Variants in NXNL2 observed in about 807,000 individuals in gnomAD.
NXNL2 encodes nucleoredoxin-like protein 2.
Under a neutral mutation model 11.1 loss-of-function variants are expected in NXNL2, and 7 were observed. The ratio of observed to expected loss-of-function variants is 0.63; its 90% CI spans 0.36 to 1.18. The LOEUF (loss-of-function observed/expected upper bound fraction) is 1.18. Ranked by LOEUF, NXNL2 falls within the 50% of genes most tolerant of loss-of-function variation. The pLI is 0.02. For synonymous variants in NXNL2, 109 were observed against 101.8 expected, an observed-to-expected ratio of 1.07 and a Z score of -0.42; for missense variants, 233 against 217.7, an observed-to-expected ratio of 1.07 and a Z score of -0.44.
downstream of NXNL2, among the ~76,000 whole-genome samples, chr9:88,546,219 C>G (rs770380612): frequency 6.6e-6 from 1 of 151,260 alleles, no homozygotes; most frequent in Non-Finnish European, 1.5e-5. Flanking sequence ...AGAAACGGCC[C>G]TCCTGGTAAA....
chr9:88,552,471 A>ATTTTTTTTTTTTT (rs1564070714), intron 1 of NXNL2, among the ~76,000 whole-genome samples: 1 of 129,946 alleles, frequency 7.7e-6, no homozygotes, highest in African/African-American at 3.5e-5. Flanking sequence ...TTAAACATGC[A>ATTTTTTTTTTTTT]TGTTTTTTTT....
intron 1 of NXNL2, among the ~76,000 whole-genome samples, chr9:88,581,709 G>T (rs1169977414): frequency 2.6e-5 from 4 of 152,132 alleles, no homozygotes; most frequent in Non-Finnish European, 5.9e-5. Context: ...GCCCACCTCG[G>T]CCTCCCAAAG....
intron 1 of NXNL2, 103 bp downstream of exon 1, chr9:88,535,839 C>A (rs530501561): frequency 1.6e-5 from 14 of 854,834 alleles, no homozygotes; most frequent in Admixed American, 5.9e-5. Flanking sequence ...ACGCCCCCCC[C>A]CAACACCTCC....
chr9:88,584,168 T>C (rs1830437328), exon 2 of NXNL2: 1 of 152,252 alleles, frequency 6.6e-6, no homozygotes, highest in South Asian at 2.1e-4. Flanking sequence ...CCAGTCTGTT[T>C]TTAGTATTTC....
chr9:88,564,325 C>CTATCT (rs79688283), intron 1 of NXNL2, among the ~76,000 whole-genome samples: 1 of 147,042 alleles, frequency 6.8e-6, no homozygotes, highest in Non-Finnish European at 1.5e-5. Context: ...ATCTATCTAT[C>CTATCT]GTCTATTTAT....
chr9:88,546,605 G>A (rs1829849387), downstream of NXNL2, among the ~76,000 whole-genome samples: 1 of 151,640 alleles, frequency 6.6e-6, no homozygotes, highest in African/African-American at 2.4e-5. Flanking sequence ...AGTTGAAATG[G>A]GGTTTCTTCA....
At chr9:88,577,984 G>A (rs974089128), downstream of NXNL2, among the ~76,000 whole-genome samples, 2 of 152,212 alleles carry the variant, frequency 1.3e-5, no homozygotes, top group South Asian at 2.1e-4. Flanking sequence ...CAGTCCTCAT[G>A]GCACTCTGTG....
At chr9:88,573,371 T>C (rs1445138078) in intron 2 of NXNL2, among the ~76,000 whole-genome samples, 1 of 152,200 alleles carries the variant, frequency 6.6e-6, no homozygotes, top group Non-Finnish European at 1.5e-5. Flanking sequence ...TTCGAACTCC[T>C]GGGCTCAAGT....
intron 1 of NXNL2, chr9:88,571,071 C>CTTTTT: frequency 5.6e-6 from 2 of 354,166 alleles, no homozygotes; most frequent in South Asian, 4.0e-5. Flanking sequence ...GCTTTCTTTT[C>CTTTTT]TTTTTTTTTT....
intron 2 of NXNL2, among the ~76,000 whole-genome samples, chr9:88,574,626 G>C (rs1830322072): frequency 6.6e-6 from 1 of 152,220 alleles, no homozygotes; most frequent in African/African-American, 2.4e-5. Flanking sequence ...AGCTCTGTCT[G>C]TCCTTTGTCC....
At chr9:88,546,895 T>C (rs1347493592), downstream of NXNL2, among the ~76,000 whole-genome samples, 1 of 152,198 alleles carries the variant, frequency 6.6e-6, no homozygotes, top group Non-Finnish European at 1.5e-5. Context: ...GATTCCATCA[T>C]CCTGAGGGAA....
rs181483049 is a variant in NXNL2 at position 88,572,472 on chromosome 9, C to T, written c.*16+1264C>T. On this transcript the variant is annotated intron_variant, in intron 2 of 2. Transcript: ENST00000375855. ...GCTCCTCCTGCAGCTGGGTGTTAAA[C>T]ATGCACAGTACACCCTGCAGGTAGT... 6.5e-3 allele frequency among the ~76,000 whole-genome samples: 991 copies of T among 152,318 alleles called. 6 individuals are homozygous for T. Among genetic ancestry groups the T allele is most frequent in the Middle Eastern group, 0.02 (6 of 294 alleles).
rs760103962 is a variant in NXNL2 at position 88,570,507 on chromosome 9, ATGCAAAC to A, written c.303-578_303-572del. Among the ~76,000 whole-genome samples the A allele has an allele frequency of 2.6e-5, 4 of 152,184 alleles. No homozygotes were observed. The South Asian group carries it at 8.3e-4, about 31-fold the overall frequency. On this transcript the variant is annotated intron_variant, in intron 1 of 2. Transcript: ENST00000375855. ...TACTAGGTTTGAATCCTTTATTTAA[ATGCAAAC>A]TCCTGGGCAAGTTTGTTTACCTCAT...
At chr9:88,576,789 C>T (rs1003519761), downstream of NXNL2, among the ~76,000 whole-genome samples, 49 of 152,178 alleles carry the variant, frequency 3.2e-4, no homozygotes, top group African/African-American at 1.1e-3. Context: ...GTCGGCCCTG[C>T]TTTCCTCTGG....
chr9:88,570,102 A>T (rs1830238535), intron 1 of NXNL2, among the ~76,000 whole-genome samples: 1 of 150,638 alleles, frequency 6.6e-6, no homozygotes, highest in African/African-American at 2.4e-5. Context: ...ATTTTTTTTT[A>T]ATTAATTAAT....
chr9:88,553,044 C>G (rs1345824980), intron 1 of NXNL2, among the ~76,000 whole-genome samples: 4 of 152,182 alleles, frequency 2.6e-5, no homozygotes, highest in Non-Finnish European at 4.4e-5. Context: ...AAAAACCCAT[C>G]TATAATCTAA....
intron 1 of NXNL2, among the ~76,000 whole-genome samples, chr9:88,554,735 G>A (rs931459663): frequency 1.3e-5 from 2 of 152,128 alleles, no homozygotes; most frequent in African/African-American, 2.4e-5. Flanking sequence ...TTTTTGGCAG[G>A]TTACCGTCTC....
chr9:88,560,810 G>A (rs1329557023), intron 1 of NXNL2, among the ~76,000 whole-genome samples: 1 of 152,114 alleles, frequency 6.6e-6, no homozygotes, highest in Non-Finnish European at 1.5e-5. Context: ...GTCACTATAG[G>A]TTCTCATTTC....
At position 88,556,553 on chromosome 9, in the gene NXNL2, C is replaced by A. The variant is rs370797313; in HGVS notation, c.303-14534C>A. 5.5e-4 allele frequency among the ~76,000 whole-genome samples: 84 copies of A among 152,138 alleles called. 1 individual carries two copies. The South Asian group carries it at 0.016, about 30-fold the overall frequency. On this transcript the variant is annotated intron_variant, in intron 1 of 2. Coordinates refer to the NXNL2 transcript ENST00000375855. ...TGTGCTGATTGGTCCATAAGCAGTC[C>A]TGGAAAAAGCACCATTTGACTGGCT...
Sources: allele counts gnomAD v4.1 joint callset (sites outside exome capture counted in the v4.1 genomes callset), GRCh38; gene constraint gnomAD v4.1.1; transcripts MANE v1.5; gene names NCBI Gene and HGNC (gene_info 2026-07-23, HGNC 2026-07-21).